Variants in OTOGL observed in about 807,000 individuals in gnomAD.
OTOGL encodes otogelin like.
A neutral mutation model predicts 318.5 loss-of-function variants in OTOGL; 285 were observed. That is an observed-to-expected ratio of 0.89 (90% CI 0.81 to 0.99). OTOGL has a LOEUF of 0.99. Ranked by LOEUF, OTOGL falls within the 50% of genes least tolerant of loss-of-function variation. The pLI is 0.00. For missense variants in OTOGL, 2,899 were observed against 2,845.6 expected, an observed-to-expected ratio of 1.02 and a Z score of -0.43; for synonymous variants, 987 against 936.5, an observed-to-expected ratio of 1.05 and a Z score of -0.99.
chr12:80,367,091 C>G (rs1256811067), intron 53 of OTOGL, among the ~76,000 whole-genome samples: 1 of 151,652 alleles, frequency 6.6e-6, no homozygotes, highest in African/African-American at 2.4e-5. Flanking sequence ...ATCCTTCCAC[C>G]TTAACTGCCT....
chr12:80,129,422 C>T (rs1271101923), intron 1 of OTOGL, among the ~76,000 whole-genome samples: 1 of 152,110 alleles, frequency 6.6e-6, no homozygotes, highest in East Asian at 1.9e-4. Context: ...ACTATTATGT[C>T]ATAACTTGTC....
In OTOGL at chr12:80,325,074, T is replaced by C. The variant is rs542157558; in HGVS notation, c.4199+1234T>C. Among the ~76,000 whole-genome samples the C allele has an allele frequency of 1.4e-4, 21 of 152,172 alleles. No individual in the cohort carries two copies. The South Asian group carries it at 4.4e-3, about 32-fold the overall frequency. On this transcript the variant is annotated intron_variant, in intron 35 of 58. Coordinates refer to ENST00000547103, the MANE Select transcript of OTOGL (RefSeq NM_001378609.3). The stretch of plus-strand genomic sequence containing the variant: ...ATAAGAATTTTCCATAAAGGAGATA[T>C]GGATCAATAGTAGGAGAGAATATTT...
At chr12:80,327,987 A>AAG (rs1887805533) in intron 35 of OTOGL, among the ~76,000 whole-genome samples, 1 of 105,804 alleles carries the variant, frequency 9.5e-6, no homozygotes, top group Non-Finnish European at 2.0e-5. Flanking sequence ...AAAAAAAAAG[A>AAG]GTGGAAAGCA....
rs528413766 is a variant in OTOGL, at chr12:80,207,361, C to T, written c.-19-2052C>T. Among the ~76,000 whole-genome samples, 12 of 152,186 alleles carry T rather than the reference C, an allele frequency of 7.9e-5. No homozygotes were observed. The South Asian group carries it at 8.3e-4, about 11-fold the overall frequency. On this transcript the variant is annotated intron_variant, in intron 1 of 58. Coordinates refer to ENST00000547103, the MANE Select transcript of OTOGL (RefSeq NM_001378609.3). ...GTATTACAGGTATGCGCCACCACTC[C>T]CAGCTATTTTGTTTTGTATTTTTAG...
At chr12:80,302,560 A>G in intron 27 of OTOGL, 74 bp from the exon 28 acceptor site, 1 of 1,002,168 alleles carries the variant, frequency 1.0e-6, no homozygotes. Flanking sequence ...GGTAAATGTT[A>G]ACTAAACTAA....
At chr12:80,209,813 A>G (rs1157093229) in intron 2 of OTOGL, among the ~76,000 whole-genome samples, 1 of 152,112 alleles carries the variant, frequency 6.6e-6, no homozygotes. Flanking sequence ...GTTAAAAATC[A>G]TGCTTTTATC....
intron 52 of OTOGL, among the ~76,000 whole-genome samples, chr12:80,361,356 A>G (rs1449843552): frequency 6.6e-6 from 1 of 152,008 alleles, no homozygotes; most frequent in Non-Finnish European, 1.5e-5. Context: ...GTGTATATAT[A>G]CCACATTTTC....
At chr12:80,307,740 G>A (rs1238299874) in intron 29 of OTOGL, among the ~76,000 whole-genome samples, 5 of 143,716 alleles carry the variant, frequency 3.5e-5, no homozygotes, top group African/African-American at 5.2e-5. Flanking sequence ...CGAGCGGGGG[G>A]CAGACCCCGC....
chr12:80,179,750 T>C (rs2137236610), intron 1 of OTOGL, among the ~76,000 whole-genome samples: 1 of 152,344 alleles, frequency 6.6e-6, no homozygotes, highest in Non-Finnish European at 1.5e-5. Flanking sequence ...TTGCTCACTC[T>C]TGGACAATTT....
intron 1 of OTOGL, among the ~76,000 whole-genome samples, chr12:80,189,849 T>G (rs1221535329): frequency 6.6e-6 from 1 of 152,158 alleles, no homozygotes; most frequent in East Asian, 1.9e-4. Context: ...AAGAAATCAG[T>G]TAGCTATACG....
At chr12:80,363,037 G>A (rs545745198) in intron 52 of OTOGL, among the ~76,000 whole-genome samples, 1 of 152,214 alleles carries the variant, frequency 6.6e-6, no homozygotes, top group African/African-American at 2.4e-5. Flanking sequence ...TAGCATCATT[G>A]AACTCCTAGG....
intron 11 of OTOGL, among the ~76,000 whole-genome samples, chr12:80,247,260 T>C (rs1474921467): frequency 6.8e-6 from 1 of 146,426 alleles, no homozygotes; most frequent in Non-Finnish European, 1.5e-5. Context: ...GATGTTAGGC[T>C]GTCAATTTTG....
At chr12:80,227,949 A>G (rs1879019272) in intron 7 of OTOGL, among the ~76,000 whole-genome samples, 1 of 152,118 alleles carries the variant, frequency 6.6e-6, no homozygotes, top group South Asian at 2.1e-4. Context: ...TATATATTTT[A>G]GCTTCACATA....
At chr12:80,200,666 A>C (rs980672) in intron 1 of OTOGL, among the ~76,000 whole-genome samples, 5,573 of 152,282 alleles carry the variant, frequency 0.037, 340 homozygotes, top group African/African-American at 0.13. Context: ...GCACAAAAAC[A>C]CTGAGCAAGA....
At chr12:80,351,091 A>G (rs1889515476) in intron 44 of OTOGL, among the ~76,000 whole-genome samples, 1 of 152,126 alleles carries the variant, frequency 6.6e-6, no homozygotes, top group Non-Finnish European at 1.5e-5. Flanking sequence ...TATGATGTGA[A>G]TTAAGGATCT....
chr12:80,233,028 A>G lies in OTOGL; in HGVS notation c.748A>G (p.Lys250Glu), dbSNP rs1237047572. Reference sequence around the variant, plus strand: ...CTACCTCAAGCTGTCTGAGGACCATAAGGGGAAATCATGTGGCCTATGTGG... The same window carrying G: ...CTACCTCAAGCTGTCTGAGGACCATGAGGGGAAATCATGTGGCCTATGTGG... ...GIYLKLSEDH[K>E]GKSCGLCGNY... Residue 250 changes from lysine to glutamate, a missense_variant, in exon 9 of 59, where the codon AAG (lysine) becomes GAG (glutamate). By Grantham distance (56) the Lys-to-Glu change is moderately conservative. This residue lies in a region of OTOGL where 2,607 missense variants were observed against 2,524.9 expected (regional missense o/e 1.03). Coordinates refer to ENST00000547103, the MANE Select transcript of OTOGL (RefSeq NM_001378609.3). 6.3e-7 allele frequency: 1 copy of G among 1,598,596 alleles called. No individual in the cohort carries two copies. Among genetic ancestry groups the G allele is most frequent in the Non-Finnish European group, 8.5e-7 (1 of 1,179,118 alleles).
rs11343611 is a variant in OTOGL at position 80,355,224 on chromosome 12, C to CTTTTTTTTTTTT, written c.5594-508_5594-507insTTTTTTTTTTTT. 1.5e-4 allele frequency among the ~76,000 whole-genome samples: 10 copies of CTTTTTTTTTTTT among 65,596 alleles called. 1 individual carries two copies. Among genetic ancestry groups the CTTTTTTTTTTTT allele is most frequent in the Non-Finnish European group, 2.1e-4 (7 of 33,736 alleles). 43.0% of individuals were successfully genotyped at this position (65,596 alleles called of 152,430 possible). A position where few individuals can be genotyped will look rare whatever the true frequency, so the allele number is the denominator to read the frequency against. On this transcript the variant is annotated intron_variant, in intron 46 of 58. Transcript: ENST00000547103. The stretch of plus-strand genomic sequence containing the variant: ...ACTTTTTTCTTTTCTTTCTTTCTTT[C>CTTTTTTTTTTTT]TTTTCTTTTTTTTTTTTTTTTTTTG...
chr12:80,294,242 T>C (rs1186126024), intron 26 of OTOGL, among the ~76,000 whole-genome samples: 1 of 151,944 alleles, frequency 6.6e-6, no homozygotes, highest in Admixed American at 6.6e-5. Context: ...TTGTTACAAA[T>C]TACTGTGAGC....
At chr12:80,125,953 G>A (rs1328206929) in intron 1 of OTOGL, among the ~76,000 whole-genome samples, 1 of 151,892 alleles carries the variant, frequency 6.6e-6, no homozygotes, top group Non-Finnish European at 1.5e-5. Context: ...AGTCTTGCTA[G>A]CAGTCTATCA....
Sources: gnomAD v4.1 joint callset for allele counts (sites outside exome capture counted in the v4.1 genomes callset) on GRCh38, gnomAD v4.1.1 for gene constraint, gnomAD v4.1.1 regional missense constraint, MANE v1.5 for transcripts, NCBI Gene and HGNC (gene_info 2026-07-23, HGNC 2026-07-21) for gene names.